LINGO2: variants seen among roughly 807,000 people sequenced by gnomAD.
LINGO2 encodes leucine-rich repeat and immunoglobulin-like domain-containing nogo receptor-interacting protein 2.
LINGO2 carries 14 observed loss-of-function variants against 30.6 expected under a neutral mutation model. The observed-to-expected ratio is 0.46, with a 90% confidence interval of 0.30 to 0.72. The LOEUF (loss-of-function observed/expected upper bound fraction) is 0.72, where lower values mean the gene tolerates loss of function less well. LINGO2 is among the 30% of genes least tolerant of loss of function. LINGO2 has a pLI of 0.07. For synonymous variants in LINGO2, 317 were observed against 288.5 expected (o/e 1.10, Z -1.00); for missense variants, 729 against 751.7 (o/e 0.97, Z 0.35).
chr9:28,431,131 C>G (rs1823660345), intron 2 of LINGO2, among the ~76,000 whole-genome samples: 1 of 151,866 alleles, frequency 6.6e-6, no homozygotes, highest in African/African-American at 2.4e-5. Flanking sequence ...CACATCCCAT[C>G]ACATATGTCA....
At chr9:28,348,907 A>T (rs1405345423) in intron 3 of LINGO2, among the ~76,000 whole-genome samples, 214 of 149,632 alleles carry the variant, frequency 1.4e-3, no homozygotes, top group Non-Finnish European at 1.8e-3. Context: ...CTCACATGGC[A>T]GGGTATTCCA....
chr9:28,265,404 G>GT (rs1198350983), intron 4 of LINGO2, among the ~76,000 whole-genome samples: 3 of 151,944 alleles, frequency 2.0e-5, no homozygotes, highest in Non-Finnish European at 4.4e-5. Flanking sequence ...TACTGTGAAT[G>GT]TAATACATGA....
chr9:29,206,507 T>C, the LINGO2 span, among the ~76,000 whole-genome samples: 1 of 152,166 alleles, frequency 6.6e-6, no homozygotes. Context: ...CTAGAGAGTT[T>C]ATATATTTAT....
chr9:28,191,796 A>T (rs73645610), intron 4 of LINGO2, among the ~76,000 whole-genome samples: 1 of 151,982 alleles, frequency 6.6e-6, no homozygotes, highest in Non-Finnish European at 1.5e-5. Context: ...ATCTTTTCCC[A>T]TATTCAGTAA....
intron 4 of LINGO2, among the ~76,000 whole-genome samples, chr9:28,270,916 TCAAA>T (rs1822916916): frequency 1.3e-5 from 2 of 152,136 alleles, no homozygotes; most frequent in Non-Finnish European, 2.9e-5. Context: ...CAAAGTTTAC[TCAAA>T]CAGTGGGTGG....
chr9:29,151,736 A>G, the LINGO2 span, among the ~76,000 whole-genome samples: 1 of 152,228 alleles, frequency 6.6e-6, no homozygotes, highest in East Asian at 1.9e-4. Context: ...TGAAGCACTC[A>G]GATTCATAAA....
chr9:28,298,699 AT>A (rs1564104550), intron 3 of LINGO2, among the ~76,000 whole-genome samples: 1 of 150,368 alleles, frequency 6.7e-6, no homozygotes, highest in Non-Finnish European at 1.5e-5. Flanking sequence ...AAAAAAAAAA[AT>A]CAGAATGAAT....
the LINGO2 span, among the ~76,000 whole-genome samples, chr9:28,851,897 A>T: frequency 1.3e-5 from 2 of 151,888 alleles, no homozygotes; most frequent in Admixed American, 1.3e-4. Flanking sequence ...TATATATATA[A>T]TCACATTTGG....
chr9:28,876,817 A>C, the LINGO2 span, among the ~76,000 whole-genome samples: 1 of 152,064 alleles, frequency 6.6e-6, no homozygotes, highest in African/African-American at 2.4e-5. Context: ...ATCCCTGAGG[A>C]ATCGCCACAC....
At chr9:28,030,240 G>GT (rs1563926381) in intron 4 of LINGO2, among the ~76,000 whole-genome samples, 1 of 152,136 alleles carries the variant, frequency 6.6e-6, no homozygotes, top group Non-Finnish European at 1.5e-5. Context: ...CTTGGAACAT[G>GT]AGAAAACACT....
the LINGO2 span, among the ~76,000 whole-genome samples, chr9:28,946,359 T>C: frequency 1.3e-5 from 2 of 152,156 alleles, no homozygotes; most frequent in Non-Finnish European, 2.9e-5. Flanking sequence ...AGTGGGAATT[T>C]GGAAATGTTT....
the LINGO2 span, among the ~76,000 whole-genome samples, chr9:29,180,840 A>G: frequency 6.6e-6 from 1 of 152,254 alleles, no homozygotes; most frequent in Non-Finnish European, 1.5e-5. Flanking sequence ...AGATCGCAAA[A>G]TAACAGTAAG....
chr9:29,143,122 A>T, the LINGO2 span, among the ~76,000 whole-genome samples: 1 of 152,070 alleles, frequency 6.6e-6, no homozygotes, highest in East Asian at 1.9e-4. Context: ...AAACTACAAA[A>T]CATTTCTGAA....
At chr9:28,039,923 G>A (rs569177489) in intron 4 of LINGO2, among the ~76,000 whole-genome samples, 2 of 152,218 alleles carry the variant, frequency 1.3e-5, no homozygotes, top group African/African-American at 2.4e-5. Context: ...CAGCTCCATG[G>A]GGTCTTAGAT....
chr9:28,344,705 T>G (rs1397231732), intron 3 of LINGO2, among the ~76,000 whole-genome samples: 2 of 150,484 alleles, frequency 1.3e-5, no homozygotes, highest in African/African-American at 4.8e-5. Context: ...GTAAAAAATA[T>G]CCACTCTCAA....
chr9:28,284,084 A>G (rs1358924817), intron 4 of LINGO2, among the ~76,000 whole-genome samples: 1 of 152,064 alleles, frequency 6.6e-6, no homozygotes, highest in Non-Finnish European at 1.5e-5. Flanking sequence ...TTGGCTTTCA[A>G]TCAACTCCAT....
At chr9:28,197,599 G>A (rs1820060361) in intron 4 of LINGO2, among the ~76,000 whole-genome samples, 1 of 151,788 alleles carries the variant, frequency 6.6e-6, no homozygotes, top group Admixed American at 6.6e-5. Context: ...ACAAATAAAA[G>A]CAGTAAAAAG....
rs57452737 is a variant in LINGO2 at position 27,978,309 on chromosome 9, A to G, written c.-35-27603T>C. ...ATGTGGCTGAAAATGGATCAAACAG[A>G]TAACAACTAGATTTATGTCTAAATG... On this transcript the variant is annotated intron_variant, in intron 5 of 5. Transcript: ENST00000379992. 3.0e-3 allele frequency among the ~76,000 whole-genome samples: 460 copies of G among 152,194 alleles called. 4 individuals are homozygous for G. Among genetic ancestry groups the G allele is most frequent in the African/African-American group, 0.01 (428 of 41,550 alleles).
At chr9:28,191,098 C>A (rs1003963195) in intron 4 of LINGO2, among the ~76,000 whole-genome samples, 3 of 152,118 alleles carry the variant, frequency 2.0e-5, no homozygotes, top group African/African-American at 7.2e-5. Flanking sequence ...AACAACCAGT[C>A]CCAAATCATA....
Sources: gnomAD v4.1 joint callset for allele counts (sites outside exome capture counted in the v4.1 genomes callset) on GRCh38, gnomAD v4.1.1 for gene constraint, MANE v1.5 for transcripts, NCBI Gene and HGNC (gene_info 2026-07-23, HGNC 2026-07-21) for gene names.